Variants in TMEM39A observed in about 807,000 individuals in gnomAD.
TMEM39A encodes suppressor of SQST-1 aggregates in rpl-43 mutants.
Under a neutral mutation model 51.9 loss-of-function variants are expected in TMEM39A, and 19 were observed. That is an observed-to-expected ratio of 0.37 (90% CI 0.26 to 0.54). TMEM39A has a LOEUF of 0.54. TMEM39A is among the 20% of genes least tolerant of loss of function. TMEM39A has a pLI of 0.88. For missense variants in TMEM39A, 433 were observed against 590.5 expected, an observed-to-expected ratio of 0.73 and a Z score of 2.76; for synonymous variants, 197 against 220.2, an observed-to-expected ratio of 0.89 and a Z score of 0.93.
At chr3:119,454,887 C>T (rs1364319690) in intron 3 of TMEM39A, among the ~76,000 whole-genome samples, 2 of 152,132 alleles carry the variant, frequency 1.3e-5, no homozygotes, top group Non-Finnish European at 2.9e-5. Context: ...TTATGATTAA[C>T]TCTTTGTAAC....
At chr3:119,442,136 T>C (rs1428906789) in intron 5 of TMEM39A, among the ~76,000 whole-genome samples, 1 of 151,456 alleles carries the variant, frequency 6.6e-6, no homozygotes, top group Non-Finnish European at 1.5e-5. Context: ...AGGTCAGGAG[T>C]TCGACACCAG....
chr3:119,445,291 G>C (rs2081109415), intron 5 of TMEM39A, among the ~76,000 whole-genome samples: 1 of 152,030 alleles, frequency 6.6e-6, no homozygotes, highest in South Asian at 2.1e-4. Flanking sequence ...ACAGAGTCTT[G>C]CTCGTCGCCC....
chr3:119,436,880 T>C lies in TMEM39A; in HGVS notation c.1023A>G (p.Lys341=). ...CTGATTTATGTAGCAAATCACAGTATTTGGATGGCAACAGTTGCGTGGTGA... is the reference window on the plus strand; with the variant it reads ...CTGATTTATGTAGCAAATCACAGTACTTGGATGGCAACAGTTGCGTGGTGA... ...VMLTTQLLPS[K]YCDLLHKSAA... is the part of the protein sequence containing the mutation. Residue 341 remains lysine, a synonymous_variant, in exon 7 of 9, where the codon AAA becomes AAG. Coordinates refer to ENST00000319172, the MANE Select transcript of TMEM39A (RefSeq NM_018266.3). The C allele has an allele frequency of 1.9e-6, 3 of 1,614,018 alleles. No individual in the cohort carries two copies. The highest frequency in any genetic ancestry group is 2.5e-6 in the Non-Finnish European group (3 of 1,179,944).
At chr3:119,448,936 C>T (rs982069011) in intron 4 of TMEM39A, among the ~76,000 whole-genome samples, 2 of 152,074 alleles carry the variant, frequency 1.3e-5, no homozygotes, top group African/African-American at 2.4e-5. Flanking sequence ...CAAACAAAAC[C>T]CCTGTGCTTA....
intron 1 of TMEM39A, among the ~76,000 whole-genome samples, chr3:119,462,654 G>GGGGGGGGGT (rs2081355039): frequency 1.1e-5 from 1 of 92,428 alleles, no homozygotes; most frequent in Non-Finnish European, 2.3e-5. Flanking sequence ...CGGGGGGGGG[G>GGGGGGGGGT]AGTGTCCCCT....
intron 4 of TMEM39A, chr3:119,451,407 A>C (rs2107681032): frequency 1.3e-6 from 1 of 791,522 alleles, no homozygotes; most frequent in Admixed American, 2.7e-5. Flanking sequence ...CTGAATTATA[A>C]GTTCCAAGAT....
chr3:119,454,438 C>T (rs2081239236), intron 3 of TMEM39A, among the ~76,000 whole-genome samples: 2 of 152,208 alleles, frequency 1.3e-5, no homozygotes, highest in African/African-American at 4.8e-5. Context: ...ATTCACTCGA[C>T]CCCTGGCTGA....
intron 8 of TMEM39A, among the ~76,000 whole-genome samples, chr3:119,433,111 T>G (rs2080922271): frequency 1.3e-5 from 2 of 152,162 alleles, no homozygotes; most frequent in African/African-American, 4.8e-5. Context: ...ACAGCAGTGA[T>G]CAGATCTAAA....
At chr3:119,454,130 G>T (rs2081235015) in intron 3 of TMEM39A, among the ~76,000 whole-genome samples, 1 of 152,210 alleles carries the variant, frequency 6.6e-6, no homozygotes, top group Non-Finnish European at 1.5e-5. Flanking sequence ...CAGCAAGAAG[G>T]CTGGAGTGAG....
Position 119,434,638 on chromosome 3 carries a change from G to A in TMEM39A, c.1233+124C>T, listed in dbSNP as rs1253275706. 4 of 1,377,712 alleles carry A rather than the reference G, an allele frequency of 2.9e-6. No individual in the cohort carries two copies. In the South Asian group the frequency reaches 4.2e-5, roughly 15 times the overall value. The allele number at this position is 1,377,712 out of a possible 1,614,324, so 85.3% of individuals were successfully genotyped here. ...TACAGGGACCACTGTTACGCTAGTAGCAATAATTACCATGTAATAATTTCC... is the reference window on the plus strand; with the variant it reads ...TACAGGGACCACTGTTACGCTAGTAACAATAATTACCATGTAATAATTTCC... On this transcript the variant is annotated intron_variant, in intron 8 of 8. Transcript: ENST00000319172.
intron 4 of TMEM39A, chr3:119,451,131 C>T (rs13096213): frequency 0.19 from 118,940 of 625,434 alleles, 12,220 homozygotes; most frequent in South Asian, 0.21. Flanking sequence ...GTTTCTATTT[C>T]CATCCTCTAA....
chr3:119,438,879 GATTTTT>G (rs2081012137), intron 5 of TMEM39A, among the ~76,000 whole-genome samples: 1 of 151,934 alleles, frequency 6.6e-6, no homozygotes, highest in South Asian at 2.1e-4. Context: ...ATGTTTATTC[GATTTTT>G]AACTTTGGGG....
intron 5 of TMEM39A, among the ~76,000 whole-genome samples, chr3:119,439,230 TATAAATTAA>T (rs1164135282): frequency 6.6e-6 from 1 of 152,198 alleles, no homozygotes; most frequent in Non-Finnish European, 1.5e-5. Context: ...ACCTAGGTAT[TATAAATTAA>T]ATGGTCATTT....
In TMEM39A at chr3:119,461,858, G is replaced by C. The variant is rs2107695312; in HGVS notation, c.113+104C>G. The C allele has an allele frequency of 4.3e-6, 4 of 935,744 alleles. No individual in the cohort carries two copies. In the South Asian group the frequency reaches 7.5e-5, roughly 18 times the overall value. 58.0% of individuals were successfully genotyped at this position (935,744 alleles called of 1,614,324 possible). A position where few individuals can be genotyped will look rare whatever the true frequency, so the allele number is the denominator to read the frequency against. On this transcript the variant is annotated intron_variant, in intron 2 of 8. Transcript: ENST00000319172. ...GGCAGGATTTCTACCACAGTGTCAA[G>C]AATAAATCTCAATAAGCAAATATCT...
chr3:119,461,892 T>C (rs1022986553), intron 2 of TMEM39A, 70 bp downstream of exon 2: 2 of 1,185,676 alleles, frequency 1.7e-6, no homozygotes, highest in Non-Finnish European at 2.4e-6. Flanking sequence ...CTGAATGACA[T>C]GATGACTTTT....
In TMEM39A at chr3:119,429,216, A is replaced by G. The variant is rs569119831; in HGVS notation, c.*2765T>C. On this transcript the variant is annotated 3_prime_UTR_variant, in exon 9 of 9. Coordinates refer to ENST00000319172, the MANE Select transcript of TMEM39A (RefSeq NM_018266.3). ...GAAATAAAAAAATTAATTAAAAAAA[A>G]GAGAGAGAAACGGCACAACAGGTGG... Among the ~76,000 whole-genome samples, 4 of 152,180 alleles carry G rather than the reference A, an allele frequency of 2.6e-5. No individual in the cohort carries two copies. The East Asian group carries it at 7.7e-4, about 29-fold the overall frequency.
chr3:119,441,487 C>G (rs1163713536), intron 5 of TMEM39A, among the ~76,000 whole-genome samples: 1 of 152,194 alleles, frequency 6.6e-6, no homozygotes, highest in East Asian at 1.9e-4. Flanking sequence ...TAATCCAGAG[C>G]AAAGCCCTAA....
rs1268123605 is a variant in TMEM39A, at chr3:119,429,161, A to C, written c.*2820T>G. On this transcript the variant is annotated 3_prime_UTR_variant, in exon 9 of 9. Transcript: ENST00000319172. ...TGTTTGGCATATAATTGCCCAGTACATAGAAATGAGATGCCTGGCTAGCTT... is the reference window on the plus strand; with the variant it reads ...TGTTTGGCATATAATTGCCCAGTACCTAGAAATGAGATGCCTGGCTAGCTT... Among the ~76,000 whole-genome samples the C allele has an allele frequency of 6.6e-6, 1 of 152,080 alleles. No individual in the cohort carries two copies. Among genetic ancestry groups the C allele is most frequent in the Non-Finnish European group, 1.5e-5 (1 of 67,978 alleles).
rs373271031 is a variant in TMEM39A, at chr3:119,438,035, T to C, written c.644A>G (p.Tyr215Cys). 2 of 1,610,914 alleles carry C rather than the reference T, an allele frequency of 1.2e-6. No individual in the cohort carries two copies. Among genetic ancestry groups the C allele is most frequent in the African/African-American group, 1.3e-5 (1 of 74,888 alleles). The change falls in exon 6 of 9, where the codon TAC (tyrosine) becomes TGC (cysteine). Residue 215 changes from tyrosine to cysteine, a missense_variant. Physicochemically the swap from Tyr to Cys is radical, Grantham distance 194 (BLOSUM62 -2). Around this residue, in one of 3 missense-constraint regions of TMEM39A, gnomAD observed 40 missense variants for 22.6 expected, o/e 1.77. Coordinates refer to ENST00000319172, the MANE Select transcript of TMEM39A (RefSeq NM_018266.3). ...TGCCTCGTGCTGAACCACATAGTTG[T>C]AGTCTGTGAGAAGAAGATGTGCTCT... ...DSRAHLLLTD[Y>C]NYVVQHEAVE...
Sources: gnomAD v4.1 joint callset for allele counts (sites outside exome capture counted in the v4.1 genomes callset) on GRCh38, gnomAD v4.1.1 for gene constraint, gnomAD v4.1.1 regional missense constraint, MANE v1.5 for transcripts, NCBI Gene and HGNC (gene_info 2026-07-23, HGNC 2026-07-21) for gene names.